The following COL22A1 variants were observed in gnomAD, a reference collection of about 807,000 sequenced individuals.
The protein encoded by COL22A1 is collagen alpha-1(XXII) chain.
COL22A1 carries 221 observed loss-of-function variants against 248.9 expected under a neutral mutation model. That is an observed-to-expected ratio of 0.89 (90% CI 0.80 to 0.99). The LOEUF is 0.99. Ranked by LOEUF, COL22A1 falls within the 50% of genes least tolerant of loss-of-function variation. The pLI is 0.00. For synonymous variants in COL22A1, 891 were observed against 793.4 expected, an observed-to-expected ratio of 1.12 and a Z score of -2.07; for missense variants, 2,240 against 2,179.0, an observed-to-expected ratio of 1.03 and a Z score of -0.56.
At chr8:138,636,537 C>CA (rs1821189868) in intron 48 of COL22A1, among the ~76,000 whole-genome samples, 1 of 32,128 alleles carries the variant, frequency 3.1e-5, no homozygotes, top group Non-Finnish European at 7.4e-5. Context: ...AAAGGAAAGG[C>CA]AGGGAGGCTT....
chr8:138,796,842 C>A lies in COL22A1; in HGVS notation c.1573G>T (p.Gly525Cys). The stretch of plus-strand genomic sequence containing the variant: ...ACCTTTTCACCCTTTTCCCCTTGGC[C>A]AAAAGGTCCTATGCCCTAGAAAAAT... ...EKGDVGIGPF[G>C]QGEKGEKGSL... The change falls in exon 12 of 65, where the codon GGC becomes TGC. Residue 525 changes from glycine to cysteine, a missense_variant. Physicochemically the swap from Gly to Cys is radical, Grantham distance 159. Transcript: ENST00000303045. 1 of 1,600,690 alleles carries A rather than the reference C, an allele frequency of 6.2e-7. No individual in the cohort carries two copies. The highest frequency in any genetic ancestry group is 2.2e-5 in the East Asian group (1 of 44,838).
At chr8:138,674,520 A>T (rs1032625823) in intron 41 of COL22A1, among the ~76,000 whole-genome samples, 9 of 152,228 alleles carry the variant, frequency 5.9e-5, no homozygotes, top group African/African-American at 2.2e-4. Context: ...CCAAGATACT[A>T]AACAGTTGAT....
intron 3 of COL22A1, 129 bp downstream of exon 3, chr8:138,877,621 T>A: frequency 1.1e-6 from 1 of 952,332 alleles, no homozygotes; most frequent in Non-Finnish European, 1.5e-6. Context: ...CCTCAGCCTC[T>A]GCACCTGCTA....
intron 60 of COL22A1, among the ~76,000 whole-genome samples, chr8:138,601,187 C>T (rs902773445): frequency 4.6e-5 from 7 of 152,044 alleles, no homozygotes; most frequent in Admixed American, 2.0e-4. Context: ...GGAACATCAA[C>T]GCCTTCTCAG....
chr8:138,776,302 C>G (rs967459833), intron 15 of COL22A1, among the ~76,000 whole-genome samples: 5 of 152,184 alleles, frequency 3.3e-5, no homozygotes, highest in African/African-American at 1.2e-4. Context: ...CATAGCCCGG[C>G]TCCTGAACTC....
At chr8:138,623,568 A>G (rs1049934901) in intron 52 of COL22A1, among the ~76,000 whole-genome samples, 164 bp downstream of exon 52, 9 of 152,104 alleles carry the variant, frequency 5.9e-5, no homozygotes, top group Non-Finnish European at 8.8e-5. Flanking sequence ...TCTGCTTTAA[A>G]ATGGGGACAG....
chr8:138,888,475 C>T (rs16909750), intron 1 of COL22A1, among the ~76,000 whole-genome samples: 19,187 of 152,196 alleles, frequency 0.13, 1,492 homozygotes, highest in African/African-American at 0.2. Flanking sequence ...GAGTGTGGTA[C>T]TTAGGGAACT....
At chr8:138,747,033 A>G (rs1177061251) in intron 22 of COL22A1, among the ~76,000 whole-genome samples, 1 of 152,222 alleles carries the variant, frequency 6.6e-6, no homozygotes, top group Admixed American at 6.5e-5. Flanking sequence ...CTGGAACCTG[A>G]CATTATTTGA....
chr8:138,790,343 G>A (rs1815919899), intron 12 of COL22A1, among the ~76,000 whole-genome samples: 1 of 152,136 alleles, frequency 6.6e-6, no homozygotes, highest in African/African-American at 2.4e-5. Context: ...CACCTCCCAA[G>A]AGCCCCACCT....
chr8:138,811,375 G>C (rs1228614805), intron 9 of COL22A1, among the ~76,000 whole-genome samples: 1 of 141,622 alleles, frequency 7.1e-6, no homozygotes, highest in East Asian at 2.1e-4. Flanking sequence ...ATATATACAC[G>C]TGTATATATA....
intron 47 of COL22A1, among the ~76,000 whole-genome samples, chr8:138,641,055 A>G (rs1446310371): frequency 6.6e-6 from 1 of 152,206 alleles, no homozygotes. Flanking sequence ...GGAATGGCCC[A>G]TATCTGACCT....
At chr8:138,879,861 A>AC (rs56220316) in intron 2 of COL22A1, among the ~76,000 whole-genome samples, 2 of 149,010 alleles carry the variant, frequency 1.3e-5, no homozygotes, top group Non-Finnish European at 3.0e-5. Flanking sequence ...ACAAAACAAA[A>AC]AAACACTTTG....
intron 6 of COL22A1, among the ~76,000 whole-genome samples, chr8:138,824,837 A>G (rs1002239728): frequency 6.6e-6 from 1 of 152,160 alleles, no homozygotes; most frequent in Non-Finnish European, 1.5e-5. Context: ...ACGGGCACTC[A>G]ACCAAGCCTT....
chr8:138,757,830 T>C (rs996099638), intron 18 of COL22A1, among the ~76,000 whole-genome samples: 2 of 152,244 alleles, frequency 1.3e-5, no homozygotes, highest in Non-Finnish European at 2.9e-5. Flanking sequence ...TCCCACAATA[T>C]GGGTGACACA....
intron 30 of COL22A1, among the ~76,000 whole-genome samples, chr8:138,710,107 G>A (rs972227605): frequency 6.6e-6 from 1 of 152,134 alleles, no homozygotes; most frequent in African/African-American, 2.4e-5. Flanking sequence ...TACCTACTTT[G>A]GCATGTTTTC....
At chr8:138,768,565 TTTG>T (rs1834094473) in intron 16 of COL22A1, among the ~76,000 whole-genome samples, 1 of 152,188 alleles carries the variant, frequency 6.6e-6, no homozygotes, top group Non-Finnish European at 1.5e-5. Context: ...GTACCCTTCA[TTTG>T]TTGTTTTTTG....
At position 138,801,159 on chromosome 8, in the gene COL22A1, T is replaced by C. The variant is rs148535584; in HGVS notation, c.1557+1713A>G. On this transcript the variant is annotated intron_variant, in intron 11 of 64. Coordinates refer to ENST00000303045, the MANE Select transcript of COL22A1 (RefSeq NM_152888.3). ...CACAAAGGAGGTAGATATGCATGTG[T>C]AGGTGAAGGTGAAGCACAGCCAAGT... 2.6e-5 allele frequency among the ~76,000 whole-genome samples: 4 copies of C among 152,282 alleles called. No individual in the cohort carries two copies. In the East Asian group the frequency reaches 7.7e-4, roughly 29 times the overall value.
At chr8:138,825,056 CA>C (rs1479229106) in intron 6 of COL22A1, among the ~76,000 whole-genome samples, 1 of 152,188 alleles carries the variant, frequency 6.6e-6, no homozygotes, top group Non-Finnish European at 1.5e-5. Flanking sequence ...GGTGCAGGCT[CA>C]CCCACAAGAA....
intron 7 of COL22A1, among the ~76,000 whole-genome samples, chr8:138,813,851 T>C (rs772546951): frequency 7.2e-5 from 11 of 152,226 alleles, no homozygotes; most frequent in Non-Finnish European, 1.6e-4. Flanking sequence ...AATGATGCTA[T>C]TGCAAAGGCC....
Sources: gnomAD v4.1 joint callset for allele counts (sites outside exome capture counted in the v4.1 genomes callset) on GRCh38, gnomAD v4.1.1 for gene constraint, MANE v1.5 for transcripts, NCBI Gene and HGNC (gene_info 2026-07-23, HGNC 2026-07-21) for gene names.